NRXN3: variants seen among roughly 807,000 people sequenced by gnomAD.
NRXN3 encodes neurexin 3.
NRXN3 carries 32 observed loss-of-function variants against 137.6 expected under a neutral mutation model. That is an observed-to-expected ratio of 0.23 (90% CI 0.18 to 0.31). The LOEUF (loss-of-function observed/expected upper bound fraction) is 0.31, where lower values mean the gene tolerates loss of function less well. Ranked by LOEUF, NRXN3 falls within the 10% of genes least tolerant of loss-of-function variation. The pLI is 1.00. For missense variants in NRXN3, 1,574 were observed against 2,062.5 expected, an observed-to-expected ratio of 0.76 and a Z score of 4.59; for synonymous variants, 798 against 784.5, an observed-to-expected ratio of 1.02 and a Z score of -0.29.
chr14:78,221,386 G>A (rs1203858843), intron 1 of NRXN3, among the ~76,000 whole-genome samples: 1 of 152,136 alleles, frequency 6.6e-6, no homozygotes. Flanking sequence ...AGGAAAAAGG[G>A]TACAGGTTAC....
chr14:78,346,367 C>G (rs2082736244), intron 4 of NRXN3, among the ~76,000 whole-genome samples: 1 of 152,208 alleles, frequency 6.6e-6, no homozygotes, highest in African/African-American at 2.4e-5. Flanking sequence ...TACCTGGTCT[C>G]CTGGTCTGCC....
At chr14:79,299,584 G>T (rs528490979) in intron 15 of NRXN3, among the ~76,000 whole-genome samples, 5 of 152,122 alleles carry the variant, frequency 3.3e-5, no homozygotes, top group African/African-American at 1.2e-4. Context: ...TATGAAAATG[G>T]CCATTATAAA....
chr14:78,559,057 A>G (rs2096763918), intron 4 of NRXN3, among the ~76,000 whole-genome samples: 1 of 152,254 alleles, frequency 6.6e-6, no homozygotes, highest in African/African-American at 2.4e-5. Context: ...AGAGTTGAAT[A>G]CAAGTCTTTC....
At chr14:79,201,291 G>C (rs767839620) in intron 15 of NRXN3, 3 of 152,086 alleles carry the variant, frequency 2.0e-5, no homozygotes, top group African/African-American at 4.8e-5. Flanking sequence ...TGAAAATATA[G>C]CATTTGTCTC....
chr14:78,925,364 C>A (rs1422257031), intron 10 of NRXN3, among the ~76,000 whole-genome samples: 1 of 152,190 alleles, frequency 6.6e-6, no homozygotes, highest in East Asian at 1.9e-4. Flanking sequence ...CACTGATATA[C>A]GAAGAAAATA....
chr14:78,987,802 G>A (rs1024488246), intron 14 of NRXN3, among the ~76,000 whole-genome samples: 2 of 152,052 alleles, frequency 1.3e-5, no homozygotes, highest in Non-Finnish European at 2.9e-5. Flanking sequence ...TCCCTTCTGT[G>A]TATAACTGTT....
chr14:79,019,242 T>C (rs963949197), intron 15 of NRXN3, among the ~76,000 whole-genome samples: 4 of 152,166 alleles, frequency 2.6e-5, no homozygotes, highest in Non-Finnish European at 5.9e-5. Context: ...GAGATGAGGA[T>C]ATGCATAGAA....
chr14:78,346,257 G>T (rs1413302814), intron 4 of NRXN3, among the ~76,000 whole-genome samples: 2 of 152,142 alleles, frequency 1.3e-5, no homozygotes, highest in African/African-American at 2.4e-5. Flanking sequence ...GGAATCAGAT[G>T]TCCATCTTCC....
chr14:78,517,703 T>C (rs2096230067), intron 4 of NRXN3, among the ~76,000 whole-genome samples: 1 of 152,160 alleles, frequency 6.6e-6, no homozygotes, highest in Admixed American at 6.5e-5. Flanking sequence ...TTGCCTTCAA[T>C]TCAATTATTC....
chr14:78,986,850 GTC>G (rs1197432346), intron 14 of NRXN3, among the ~76,000 whole-genome samples: 1 of 151,564 alleles, frequency 6.6e-6, no homozygotes, highest in Non-Finnish European at 1.5e-5. Context: ...GTGAAACCCT[GTC>G]TCTACTAAAA....
chr14:79,608,070 C>T (rs1182463138), intron 16 of NRXN3, among the ~76,000 whole-genome samples: 1 of 152,168 alleles, frequency 6.6e-6, no homozygotes, highest in Admixed American at 6.5e-5. Context: ...AAGCTGTCAA[C>T]ATCTGGTTTT....
chr14:78,399,200 A>G (rs1002231316), intron 4 of NRXN3, among the ~76,000 whole-genome samples: 1 of 152,210 alleles, frequency 6.6e-6, no homozygotes, highest in Non-Finnish European at 1.5e-5. Context: ...ATTAGTATAC[A>G]TTCTCCTATC....
At chr14:78,989,059 A>C (rs2099513215) in intron 15 of NRXN3, among the ~76,000 whole-genome samples, 1 of 152,168 alleles carries the variant, frequency 6.6e-6, no homozygotes, top group Admixed American at 6.6e-5. Context: ...ACACACTTGA[A>C]ATTTCTGAAT....
intron 15 of NRXN3, among the ~76,000 whole-genome samples, chr14:79,029,050 G>A (rs911966277): frequency 6.6e-6 from 1 of 151,376 alleles, no homozygotes; most frequent in African/African-American, 2.4e-5. Flanking sequence ...AAGGAAGAAA[G>A]CAAGGAAGGA....
At chr14:78,985,607 A>G (rs1181680966) in intron 14 of NRXN3, among the ~76,000 whole-genome samples, 2 of 151,952 alleles carry the variant, frequency 1.3e-5, no homozygotes, top group African/African-American at 2.4e-5. Context: ...CTTTAGATTC[A>G]ATCAACATTC....
chr14:79,742,336 A>AC (rs1354812848), intron 19 of NRXN3, among the ~76,000 whole-genome samples: 2 of 152,158 alleles, frequency 1.3e-5, no homozygotes, highest in African/African-American at 4.8e-5. Context: ...CCCTATGATT[A>AC]CCTCGATTCA....
chr14:79,603,464 T>C (rs115780160), intron 16 of NRXN3, among the ~76,000 whole-genome samples: 23 of 152,330 alleles, frequency 1.5e-4, no homozygotes, highest in African/African-American at 4.8e-4. Context: ...GTTTCTGTCC[T>C]ACCATGGATT....
At chr14:79,777,706 T>C (rs1038320723) in intron 19 of NRXN3, among the ~76,000 whole-genome samples, 1 of 152,034 alleles carries the variant, frequency 6.6e-6, no homozygotes, top group Admixed American at 6.6e-5. Context: ...AAATAGCTTG[T>C]CTGGTCCAAA....
intron 16 of NRXN3, among the ~76,000 whole-genome samples, chr14:79,473,930 T>C (rs372153675): frequency 2.8e-3 from 427 of 152,276 alleles, no homozygotes; most frequent in African/African-American, 9.5e-3. Flanking sequence ...TTGGATGAAG[T>C]GACTGCTTAT....
Sources: gnomAD v4.1 joint callset for allele counts (sites outside exome capture counted in the v4.1 genomes callset) on GRCh38, gnomAD v4.1.1 for gene constraint, MANE v1.5 for transcripts, NCBI Gene and HGNC (gene_info 2026-07-23, HGNC 2026-07-21) for gene names.